SLIT1: variants seen among roughly 807,000 people sequenced by gnomAD.
SLIT1 encodes the protein slit homolog 1 protein.
SLIT1 carries 66 observed loss-of-function variants against 186.1 expected under a neutral mutation model. The observed-to-expected ratio is 0.35, with a 90% CI of 0.29 to 0.44. The LOEUF (loss-of-function observed/expected upper bound fraction) is 0.44. SLIT1 is among the 20% of genes least tolerant of loss of function. The pLI is 1.00. For synonymous variants in SLIT1, 761 were observed against 833.8 expected (o/e 0.91, Z 1.50); for missense variants, 1,638 against 2,037.4 (o/e 0.80, Z 3.77).
intron 4 of SLIT1, among the ~76,000 whole-genome samples, chr10:97,095,505 G>C (rs897981050): frequency 1.3e-5 from 2 of 152,172 alleles, no homozygotes; most frequent in Non-Finnish European, 2.9e-5. Context: ...GACAAGCGGG[G>C]AGAAGCTAGC....
chr10:97,153,059 T>C (rs1849898767), intron 4 of SLIT1: 1 of 152,246 alleles, frequency 6.6e-6, no homozygotes, highest in Non-Finnish European at 1.5e-5. Context: ...GCTCATGCTT[T>C]ATTATTTCTT....
chr10:97,060,901 G>A, intron 8 of SLIT1, 114 bp from the exon 9 acceptor site: 1 of 1,164,592 alleles, frequency 8.6e-7, no homozygotes. Flanking sequence ...TCTCGATAAG[G>A]ATGAACCAGA....
chr10:97,026,036 A>T (rs1041941308), intron 25 of SLIT1, among the ~76,000 whole-genome samples: 3 of 152,234 alleles, frequency 2.0e-5, no homozygotes, highest in African/African-American at 7.2e-5. Context: ...AAGGAAATTC[A>T]AAAAGAAAAG....
At chr10:97,066,623 G>A (rs1322135892) in intron 4 of SLIT1, among the ~76,000 whole-genome samples, 5 of 152,078 alleles carry the variant, frequency 3.3e-5, no homozygotes, top group East Asian at 1.9e-4. Context: ...ACTCTCCCAC[G>A]TGAAGTGCCT....
rs201473524 is a variant in SLIT1, at chr10:97,027,642, T to A, written c.2582+3115A>T. On this transcript the variant is annotated intron_variant, in intron 25 of 36. Transcript: ENST00000266058. Reference sequence around the variant, plus strand: ...ATTGGTTTATTTCTTATAAACTAGATCTGGCTTCTGGCCTGATATCACTGT... The same window carrying A: ...ATTGGTTTATTTCTTATAAACTAGAACTGGCTTCTGGCCTGATATCACTGT... Among the ~76,000 whole-genome samples the A allele has an allele frequency of 2.6e-5, 4 of 152,264 alleles. No homozygotes were observed. The East Asian group carries it at 7.7e-4, about 29-fold the overall frequency.
intron 4 of SLIT1, among the ~76,000 whole-genome samples, chr10:97,118,947 A>T (rs1456937987): frequency 6.6e-6 from 1 of 152,248 alleles, no homozygotes; most frequent in Non-Finnish European, 1.5e-5. Flanking sequence ...TGGCTTGGAG[A>T]GAAACGGAAA....
intron 22 of SLIT1, among the ~76,000 whole-genome samples, chr10:97,034,862 A>G (rs1371536550): frequency 1.3e-5 from 2 of 152,074 alleles, no homozygotes; most frequent in Non-Finnish European, 2.9e-5. Flanking sequence ...TGGCCTCCCG[A>G]CCAGATCCAG....
rs764022023 is a variant in SLIT1 at position 97,043,017 on chromosome 10, C to T, written c.2048G>A (p.Gly683Glu). ...FNCNCQLAWL[G>E]GWLRKRKIVT... ...GATCTTGCGCTTCCGTAGCCAGCCTCCTAGCCAGGCCAGCTGGCAGTTGCA... is the reference window on the plus strand; with the variant it reads ...GATCTTGCGCTTCCGTAGCCAGCCTTCTAGCCAGGCCAGCTGGCAGTTGCA... The change falls in exon 20 of 37, where the codon GGA (glycine) becomes GAA (glutamate). Residue 683 changes from glycine (G) to glutamate (E), a missense_variant. By Grantham distance (98) the Gly-to-Glu change is moderately conservative (BLOSUM62 -2). Transcript: ENST00000266058. The surrounding 1 kb of genome is among the most constrained non-coding windows in gnomAD (Gnocchi z 7.0). 5.0e-6 allele frequency: 8 copies of T among 1,614,244 alleles called. No homozygotes were observed. Among genetic ancestry groups the T allele is most frequent in the South Asian group, 3.3e-5 (3 of 91,084 alleles).
At chr10:97,181,094 T>G (rs1443693658) in intron 1 of SLIT1, among the ~76,000 whole-genome samples, 1 of 152,098 alleles carries the variant, frequency 6.6e-6, no homozygotes, top group Non-Finnish European at 1.5e-5. Flanking sequence ...GGAAACTGGG[T>G]CTCAGAGCAG....
intron 25 of SLIT1, among the ~76,000 whole-genome samples, chr10:97,025,812 C>T (rs1388181744): frequency 6.6e-6 from 1 of 152,216 alleles, no homozygotes; most frequent in East Asian, 1.9e-4. Flanking sequence ...GTAACCTGGA[C>T]TGAAATAGCG....
intron 4 of SLIT1, among the ~76,000 whole-genome samples, chr10:97,067,780 T>C (rs534819775): frequency 6.6e-6 from 1 of 152,246 alleles, no homozygotes; most frequent in African/African-American, 2.4e-5. Context: ...CGTCCTGACA[T>C]AGGCCCCAGT....
rs537614438 is a variant in SLIT1, at chr10:97,041,621, G to A, written c.2164+1280C>T. 1.6e-3 allele frequency among the ~76,000 whole-genome samples: 236 copies of A among 152,078 alleles called. 2 individuals carry two copies. Among genetic ancestry groups the A allele is most frequent in the African/African-American group, 5.6e-3 (231 of 41,480 alleles). On this transcript the variant is annotated intron_variant, in intron 20 of 36. Coordinates refer to ENST00000266058, the MANE Select transcript of SLIT1 (RefSeq NM_003061.3). ...CAAGTAGCTGGGACTACAGGCATGC[G>A]CCACCATGCCTGGCTAATTTTTGTA...
chr10:97,020,498 C>T (rs887885713), intron 26 of SLIT1, among the ~76,000 whole-genome samples: 4 of 152,254 alleles, frequency 2.6e-5, no homozygotes, highest in Non-Finnish European at 4.4e-5. Flanking sequence ...ACAGCCAAGC[C>T]GCAGATCAGG....
intron 21 of SLIT1, among the ~76,000 whole-genome samples, chr10:97,038,769 G>A (rs192731289): frequency 6.6e-6 from 1 of 152,178 alleles, no homozygotes; most frequent in Admixed American, 6.5e-5. Context: ...CTTACCCCTC[G>A]CTCTGCATCA....
chr10:97,156,690 A>C (rs993938676), intron 4 of SLIT1, among the ~76,000 whole-genome samples: 12 of 152,332 alleles, frequency 7.9e-5, no homozygotes, highest in African/African-American at 2.6e-4. Context: ...AGCTGTGTTT[A>C]ATCAGAGGAG....
intron 4 of SLIT1, among the ~76,000 whole-genome samples, chr10:97,095,760 T>G (rs1184119917): frequency 6.6e-6 from 1 of 152,174 alleles, no homozygotes; most frequent in African/African-American, 2.4e-5. Flanking sequence ...AGGCCCTCGT[T>G]TCCTGCACCA....
Position 97,002,246 on chromosome 10 carries a change from C to T in SLIT1, c.4278G>A (p.Gln1426=), listed in dbSNP as rs149428734. The T allele has an allele frequency of 6.9e-4, 1,108 of 1,598,474 alleles. 4 individuals are homozygous for T. The African/African-American group carries it at 0.014, about 20-fold the overall frequency. ...AGGCCTGGCAGTGGCCATGCAGGCA[C>T]TGCAGGCCTCTGCAGGGCTCTGCCA... The part of the protein sequence containing the change: ...GALAEPCRGL[Q]CLHGHCQASG... The change falls in exon 36 of 37, where the codon CAG becomes CAA. Residue 1426 remains glutamine (Q), a synonymous_variant. Transcript: ENST00000266058.
At chr10:97,003,979 T>C in intron 34 of SLIT1, 89 bp downstream of exon 34, 2 of 1,214,392 alleles carry the variant, frequency 1.6e-6, no homozygotes, top group Non-Finnish European at 1.2e-6. Context: ...CCACTTGGCA[T>C]TTCCCACAGT....
At chr10:97,179,796 A>ACCCCCCCCCCCCCCCCCCCCCCCCCCCAC (rs1411663173) in intron 1 of SLIT1, among the ~76,000 whole-genome samples, 1 of 103,012 alleles carries the variant, frequency 9.7e-6, no homozygotes, top group Non-Finnish European at 2.2e-5. Flanking sequence ...AATTCTCCAC[A>ACCCCCCCCCCCCCCCCCCCCCCCCCCCAC]CCCTCCCCGC....
Sources: allele counts gnomAD v4.1 joint callset (sites outside exome capture counted in the v4.1 genomes callset), GRCh38; gene constraint gnomAD v4.1.1; non-coding constraint Gnocchi (gnomAD v3.1); transcripts MANE v1.5; gene names NCBI Gene and HGNC (gene_info 2026-07-23, HGNC 2026-07-21).